The following CRACD variants were observed in gnomAD, a reference collection of about 807,000 sequenced individuals.
The protein encoded by CRACD is capping protein inhibiting regulator of actin dynamics.
A neutral mutation model predicts 106.8 loss-of-function variants in CRACD; 56 were observed. The ratio of observed to expected loss-of-function variants is 0.52; its 90% CI spans 0.42 to 0.66. The LOEUF is 0.66. Ranked by LOEUF, CRACD falls within the 30% of genes least tolerant of loss-of-function variation. The pLI is 0.00. For synonymous variants in CRACD, 754 were observed against 670.8 expected (o/e 1.12, Z -1.92); for missense variants, 1,730 against 1,623.2 (o/e 1.07, Z -1.13).
intron 1 of CRACD, among the ~76,000 whole-genome samples, chr4:56,159,786 A>G (rs73240520): frequency 0.28 from 41,975 of 152,092 alleles, 6,055 homozygotes; most frequent in Non-Finnish European, 0.31. Context: ...CTTTATTGTT[A>G]TTATTATTTT....
At chr4:56,189,497 A>G (rs1355956393) in intron 2 of CRACD, among the ~76,000 whole-genome samples, 1 of 149,954 alleles carries the variant, frequency 6.7e-6, no homozygotes, top group Non-Finnish European at 1.5e-5. Flanking sequence ...TGCTGCACCC[A>G]TTAACTCGTC....
At position 56,261,490 on chromosome 4, in the gene CRACD, A is replaced by G. The variant is rs573924703; in HGVS notation, c.-188-10831A>G. Reference sequence around the variant, plus strand: ...CTCAGCCTCCCCAGTAGCTTGGATTACAGGTGCCCACCACCACGCCCAGCT... The same window carrying G: ...CTCAGCCTCCCCAGTAGCTTGGATTGCAGGTGCCCACCACCACGCCCAGCT... On this transcript the variant is annotated intron_variant, in intron 2 of 10. Coordinates refer to ENST00000682029, the MANE Select transcript of CRACD (RefSeq NM_001393381.1). 1.9e-3 allele frequency among the ~76,000 whole-genome samples: 284 copies of G among 151,468 alleles called. 2 individuals carry two copies. Among genetic ancestry groups the G allele is most frequent in the Middle Eastern group, 6.9e-3 (2 of 290 alleles).
At chr4:56,091,295 A>G (rs2109820482) in intron 1 of CRACD, among the ~76,000 whole-genome samples, 1 of 151,572 alleles carries the variant, frequency 6.6e-6, no homozygotes, top group East Asian at 1.9e-4. Context: ...TGATCCTCCC[A>G]TTTCAGACAC....
chr4:56,283,404 T>A (rs1439435280), intron 3 of CRACD, among the ~76,000 whole-genome samples: 1 of 152,218 alleles, frequency 6.6e-6, no homozygotes, highest in Non-Finnish European at 1.5e-5. Context: ...GGTGACTCCC[T>A]GAAAGCTCCT....
At chr4:56,190,401 T>A (rs1314201286) in intron 2 of CRACD, among the ~76,000 whole-genome samples, 3 of 152,168 alleles carry the variant, frequency 2.0e-5, no homozygotes, top group African/African-American at 7.2e-5. Context: ...CCACACTGAC[T>A]TCCACAACGG....
chr4:56,101,985 A>G (rs188428234), intron 1 of CRACD, among the ~76,000 whole-genome samples: 28 of 152,160 alleles, frequency 1.8e-4, no homozygotes, highest in South Asian at 4.2e-4. Context: ...CATTTCTTTA[A>G]TCTCTTGCTG....
intron 3 of CRACD, among the ~76,000 whole-genome samples, chr4:56,280,979 G>A (rs1361516010): frequency 6.6e-6 from 1 of 152,160 alleles, no homozygotes; most frequent in East Asian, 1.9e-4. Flanking sequence ...TGGTGAAGAG[G>A]TGCAAAACCC....
intron 2 of CRACD, among the ~76,000 whole-genome samples, chr4:56,234,269 C>T (rs1222225899): frequency 6.6e-6 from 1 of 152,102 alleles, no homozygotes; most frequent in Non-Finnish European, 1.5e-5. Context: ...CTCCAATAGC[C>T]CCTGGCAATC....
intron 1 of CRACD, among the ~76,000 whole-genome samples, chr4:56,056,608 A>C (rs985646338): frequency 6.6e-5 from 10 of 151,248 alleles, no homozygotes; most frequent in East Asian, 5.8e-4. Flanking sequence ...CAAAAAAAAA[A>C]CAAACAAAAA....
intron 2 of CRACD, chr4:56,196,292 A>C (rs1191263317): frequency 6.5e-6 from 1 of 152,822 alleles, no homozygotes; most frequent in Non-Finnish European, 1.5e-5. Context: ...TCCCCCTGCC[A>C]ATTTCATAAG....
At chr4:56,176,431 C>CTTTTTTT (rs3036818) in intron 1 of CRACD, among the ~76,000 whole-genome samples, 1 of 137,230 alleles carries the variant, frequency 7.3e-6, no homozygotes, top group Non-Finnish European at 1.5e-5. Context: ...CTTCCAATTT[C>CTTTTTTT]TTTTTTTTTT....
At chr4:56,252,321 G>A (rs1741103259) in intron 2 of CRACD, among the ~76,000 whole-genome samples, 1 of 152,132 alleles carries the variant, frequency 6.6e-6, no homozygotes, top group African/African-American at 2.4e-5. Flanking sequence ...TGAACGCCTA[G>A]GTACACATAA....
At chr4:56,247,022 C>T (rs889057086) in intron 2 of CRACD, among the ~76,000 whole-genome samples, 3 of 152,180 alleles carry the variant, frequency 2.0e-5, no homozygotes, top group African/African-American at 7.2e-5. Context: ...GTAAGTCATT[C>T]TCTCCTGCAC....
chr4:56,207,531 G>A (rs1008546258), intron 2 of CRACD, among the ~76,000 whole-genome samples: 10 of 151,848 alleles, frequency 6.6e-5, no homozygotes, highest in Admixed American at 3.9e-4. Context: ...GGCCACAGTG[G>A]CCCTTTATCT....
intron 1 of CRACD, among the ~76,000 whole-genome samples, chr4:56,086,554 G>A (rs971595073): frequency 6.6e-6 from 1 of 152,028 alleles, no homozygotes; most frequent in Non-Finnish European, 1.5e-5. Context: ...TTGTTCCTGA[G>A]GTACCCCGGA....
intron 4 of CRACD, among the ~76,000 whole-genome samples, chr4:56,303,835 A>G (rs529444193): frequency 6.6e-6 from 1 of 152,330 alleles, no homozygotes; most frequent in Admixed American, 6.5e-5. Context: ...CTTCGAGGAC[A>G]GTGCTTCGTC....
At chr4:56,113,632 C>G (rs950335949) in intron 1 of CRACD, among the ~76,000 whole-genome samples, 7 of 152,244 alleles carry the variant, frequency 4.6e-5, no homozygotes, top group Admixed American at 1.3e-4. Context: ...TCTATGTCAT[C>G]TTGGTGGCCT....
chr4:56,050,273 A>AGGGT (rs1731830629), intron 1 of CRACD, among the ~76,000 whole-genome samples: 1 of 134,476 alleles, frequency 7.4e-6, no homozygotes, highest in African/African-American at 2.8e-5. Context: ...TAGGTGAGGG[A>AGGGT]GTGTGTGTGT....
intron 6 of CRACD, among the ~76,000 whole-genome samples, chr4:56,312,078 C>T (rs1023165042): frequency 6.6e-6 from 1 of 152,040 alleles, no homozygotes; most frequent in East Asian, 1.9e-4. Flanking sequence ...AGATTTTTGC[C>T]GCTCATTTTT....
Sources: gnomAD v4.1 joint callset for allele counts (sites outside exome capture counted in the v4.1 genomes callset) on GRCh38, gnomAD v4.1.1 for gene constraint, MANE v1.5 for transcripts, NCBI Gene and HGNC (gene_info 2026-07-23, HGNC 2026-07-21) for gene names.